Variants in DNAH10 observed in about 807,000 individuals in gnomAD.
The protein encoded by DNAH10 is axonemal beta dynein heavy chain 10.
Under a neutral mutation model 506.6 loss-of-function variants are expected in DNAH10, and 348 were observed. The observed-to-expected ratio is 0.69, with a 90% confidence interval of 0.63 to 0.75. The LOEUF is 0.75. Among genes scored for constraint, DNAH10 ranks in the 30% least tolerant of loss-of-function variants. The pLI, the probability that DNAH10 is intolerant of heterozygous loss-of-function variation, is 0.00. For synonymous variants in DNAH10, 2,059 were observed against 2,198.6 expected (o/e 0.94, Z 1.78); for missense variants, 5,179 against 5,787.1 (o/e 0.89, Z 3.41).
At chr12:123,839,643 T>G (rs1197822897) in intron 29 of DNAH10, among the ~76,000 whole-genome samples, 1 of 150,380 alleles carries the variant, frequency 6.6e-6, no homozygotes, top group African/African-American at 2.4e-5. Flanking sequence ...CCATTCATAC[T>G]TCCTCTATTT....
rs1954603826 is a variant in DNAH10 at position 123,918,841 on chromosome 12, G to A, written c.11398G>A (p.Val3800Ile). 6.2e-7 allele frequency: 1 copy of A among 1,613,804 alleles called. No homozygotes were observed. The highest frequency in any genetic ancestry group is 1.3e-5 in the African/African-American group (1 of 74,904). The part of the protein sequence containing the change: ...YQYSLIAFLE[V>I]FRLSLKKSLP... ...GTACTCCCTGATTGCCTTCTTAGAG[G>A]TCTTCAGGCTGTCACTGAAGAAGTC... Residue 3800 changes from valine (V) to isoleucine (I), a missense_variant, in exon 65 of 79, where the codon GTC becomes ATC. Val to Ile is a conservative substitution (Grantham distance 29, BLOSUM62 3). Around this residue, in one of 3 missense-constraint regions of DNAH10, gnomAD observed 4,844 missense variants for 5,430.5 expected, o/e 0.89. Coordinates refer to ENST00000673944, the MANE Select transcript of DNAH10 (RefSeq NM_001372106.1).
chr12:123,800,447 G>A (rs1047483860), intron 15 of DNAH10, 59 bp downstream of exon 15: 271 of 1,504,588 alleles, frequency 1.8e-4, no homozygotes, highest in Middle Eastern at 2.4e-4. Flanking sequence ...ACCCCTTTAC[G>A]CTCTTAAAAA....
At position 123,762,562 on chromosome 12, in the gene DNAH10, C is replaced by T; in HGVS notation, c.214+12C>T. The T allele has an allele frequency of 6.5e-7, 1 of 1,545,116 alleles. No individual in the cohort carries two copies. Among genetic ancestry groups the T allele is most frequent in the Non-Finnish European group, 8.7e-7 (1 of 1,146,328 alleles). ...GGAGGTGGAGATTGGTGAGCCTCGA[C>T]GCGCCGCTCCCTTCCCCGGGCTTCC... On this transcript the variant is annotated intron_variant, in intron 1 of 78. Transcript: ENST00000673944. This position sits in a 1 kb window ranked among gnomAD's most constrained non-coding sequence, Gnocchi z 5.0.
intron 70 of DNAH10, 99 bp from the exon 71 acceptor site, chr12:123,929,176 C>T (rs1333411576): frequency 1.5e-5 from 19 of 1,259,588 alleles, no homozygotes; most frequent in East Asian, 5.0e-5. Flanking sequence ...CAGATGGCTC[C>T]GTAGAGAGGA....
At chr12:123,818,763 T>C (rs1039038215) in intron 21 of DNAH10, among the ~76,000 whole-genome samples, 187 bp from the exon 22 acceptor site, 2 of 152,200 alleles carry the variant, frequency 1.3e-5, no homozygotes, top group Non-Finnish European at 2.9e-5. Flanking sequence ...ATTACAGCCA[T>C]GAGCCATGTA....
At position 123,910,571 on chromosome 12, in the gene DNAH10, A is replaced by AT. The variant is rs1954019063; in HGVS notation, c.10034dup (p.Met3345IlefsTer16). 1 of 1,613,716 alleles carries AT rather than the reference A, an allele frequency of 6.2e-7. No individual in the cohort carries two copies. The highest frequency in any genetic ancestry group is 8.5e-7 in the Non-Finnish European group (1 of 1,179,828). On this transcript the variant is annotated frameshift_variant, in exon 59 of 79. Coordinates refer to ENST00000673944, the MANE Select transcript of DNAH10 (RefSeq NM_001372106.1). LOFTEE classifies it high-confidence loss of function. ...GACTCTTAATACCACAACTGAAGAA[A>AT]TGGAAGCTGTCAGCAAAGCCGGGCT...
rs964963994 is a variant in DNAH10 at position 123,785,244 on chromosome 12, C to G, written c.1231-502C>G. The stretch of plus-strand genomic sequence containing the variant: ...TGGTTTTTCCGTATCTTCACCACCA[C>G]TTGTTATCGTCTTTCTGATAATAGC... On this transcript the variant is annotated intron_variant, in intron 8 of 78. Coordinates refer to ENST00000673944, the MANE Select transcript of DNAH10 (RefSeq NM_001372106.1). The surrounding 1 kb of genome is among the most constrained non-coding windows in gnomAD (Gnocchi z 4.1). Among the ~76,000 whole-genome samples, 5 of 152,206 alleles carry G rather than the reference C, an allele frequency of 3.3e-5. No individual in the cohort carries two copies. The highest frequency in any genetic ancestry group is 4.8e-5 in the African/African-American group (2 of 41,458).
intron 32 of DNAH10, among the ~76,000 whole-genome samples, chr12:123,847,141 C>T (rs1217409421): frequency 1.5e-5 from 2 of 132,756 alleles, no homozygotes; most frequent in African/African-American, 6.0e-5. Flanking sequence ...CATCCATCTA[C>T]ATATCCATCC....
At chr12:123,773,668 G>A (rs369387994) in intron 4 of DNAH10, among the ~76,000 whole-genome samples, 5 of 152,184 alleles carry the variant, frequency 3.3e-5, no homozygotes, top group Non-Finnish European at 1.5e-5. Context: ...GAGAGAGAGA[G>A]CAAGCTCTCC....
intron 10 of DNAH10, 67 bp downstream of exon 10, chr12:123,788,069 C>T: frequency 6.5e-7 from 1 of 1,528,932 alleles, no homozygotes; most frequent in East Asian, 2.4e-5. Context: ...ACAGTGGCCC[C>T]CTCCGTGTCA....
In DNAH10 at chr12:123,923,766, T is replaced by C; in HGVS notation, c.11510T>C (p.Leu3837Pro). The change falls in exon 66 of 79, where the codon CTG becomes CCG. Residue 3837 changes from leucine to proline, a missense_variant. Leu to Pro is a moderately conservative substitution (Grantham distance 98). Transcript: ENST00000673944. ...FSIYNHGCTG[L>P]FERHKLLFSF... ...CTCATCTGATGTTTCCCTCCAGGGC[T>C]GTTTGAGAGGCACAAGCTACTCTTT... is the stretch of plus-strand genomic sequence containing the variant. 1 of 1,604,684 alleles carries C rather than the reference T, an allele frequency of 6.2e-7. No individual in the cohort carries two copies. Among genetic ancestry groups the C allele is most frequent in the African/African-American group, 1.3e-5 (1 of 74,436 alleles).
Position 123,887,279 on chromosome 12 carries a change from C to T in DNAH10, c.8961C>T (p.Gly2987=), listed in dbSNP as rs749107405. 9 of 1,613,886 alleles carry T rather than the reference C, an allele frequency of 5.6e-6. No homozygotes were observed. The part of the protein sequence containing the change: ...LFTDAHVAEE[G]FLELINNMLT... ...CGGATGCCCATGTGGCTGAGGAGGG[C>T]TTCCTGGAGCTCATCAACAACATGC... is the stretch of plus-strand genomic sequence containing the variant. The change falls in exon 52 of 79, where the codon GGC becomes GGT. Residue 2987 remains glycine, a synonymous_variant. Coordinates refer to ENST00000673944, the MANE Select transcript of DNAH10 (RefSeq NM_001372106.1).
intron 25 of DNAH10, among the ~76,000 whole-genome samples, chr12:123,827,894 C>T (rs1247897078): frequency 3.3e-5 from 5 of 152,112 alleles, no homozygotes; most frequent in Admixed American, 1.3e-4. Context: ...GGAGCACTCA[C>T]CTTTACCTTT....
chr12:123,879,497 A>C, intron 49 of DNAH10, 137 bp from the exon 50 acceptor site: 1 of 1,462,388 alleles, frequency 6.8e-7, no homozygotes, highest in Non-Finnish European at 9.3e-7. Flanking sequence ...TGGGTGGGTT[A>C]TTAAGCGTCT....
intron 1 of DNAH10, among the ~76,000 whole-genome samples, chr12:123,766,001 T>C (rs1957031268): frequency 6.6e-6 from 1 of 152,146 alleles, no homozygotes; most frequent in South Asian, 2.1e-4. Context: ...ATCAATTATC[T>C]ACCAATTTAT....
In DNAH10 at chr12:123,846,999, A is replaced by G. The variant is rs755485022; in HGVS notation, c.5814+845A>G. 6.6e-6 allele frequency among the ~76,000 whole-genome samples: 1 copy of G among 152,142 alleles called. No individual in the cohort carries two copies. The highest frequency in any genetic ancestry group is 1.9e-4 in the East Asian group (1 of 5,200). On this transcript the variant is annotated intron_variant, in intron 32 of 78. Coordinates refer to ENST00000673944, the MANE Select transcript of DNAH10 (RefSeq NM_001372106.1). This position sits in a 1 kb window ranked among gnomAD's most constrained non-coding sequence, Gnocchi z 4.5. ...TTTTTGAGAAAAAGAGTGTCATCTT[A>G]TCTGTATTGGTTAGGGTTCCACAGA...
In DNAH10 at chr12:123,917,192, TG is replaced by T. The variant is rs1954520522; in HGVS notation, c.11003-391del. ...CTTTTCTTTTTTCTTTTTCTTTTTT[TG>T]TACAGATGGGGTTTGTCTGTGTTGT... On this transcript the variant is annotated intron_variant, in intron 63 of 78. Transcript: ENST00000673944. The surrounding 1 kb of genome is among the most constrained non-coding windows in gnomAD (Gnocchi z 5.6). 6.6e-6 allele frequency among the ~76,000 whole-genome samples: 1 copy of T among 152,156 alleles called. No homozygotes were observed. The highest frequency in any genetic ancestry group is 2.1e-4 in the South Asian group (1 of 4,824).
intron 9 of DNAH10, 91 bp downstream of exon 9, chr12:123,786,027 A>G: frequency 2.3e-6 from 3 of 1,321,822 alleles, no homozygotes; most frequent in South Asian, 1.4e-5. Flanking sequence ...TATAATTCAC[A>G]TATAATTCTC....
intron 12 of DNAH10, among the ~76,000 whole-genome samples, 175 bp from the exon 13 acceptor site, chr12:123,796,481 A>G (rs1445613318): frequency 1.3e-5 from 2 of 152,158 alleles, no homozygotes; most frequent in African/African-American, 4.8e-5. Context: ...CAAAAAGATT[A>G]CTACAGAGCA....
Sources: allele counts gnomAD v4.1 joint callset (sites outside exome capture counted in the v4.1 genomes callset), GRCh38; gene constraint gnomAD v4.1.1; regional missense constraint gnomAD v4.1.1; non-coding constraint Gnocchi (gnomAD v3.1); transcripts MANE v1.5; gene names NCBI Gene and HGNC (gene_info 2026-07-23, HGNC 2026-07-21).